MAML3: variants seen among roughly 807,000 people sequenced by gnomAD.
MAML3 encodes the protein mastermind like transcriptional coactivator 3.
MAML3 carries 27 observed loss-of-function variants against 101.9 expected under a neutral mutation model. That is an observed-to-expected ratio of 0.27 (90% confidence interval 0.20 to 0.37). MAML3 has a LOEUF of 0.37. Among genes scored for constraint, MAML3 ranks in the 10% least tolerant of loss-of-function variants. MAML3 has a pLI of 1.00. For synonymous variants in MAML3, 501 were observed against 555.9 expected, an observed-to-expected ratio of 0.90 and a Z score of 1.39; for missense variants, 1,316 against 1,444.9, an observed-to-expected ratio of 0.91 and a Z score of 1.45.
chr4:139,939,300 T>G (rs935434554), intron 1 of MAML3, among the ~76,000 whole-genome samples: 8 of 152,234 alleles, frequency 5.3e-5, no homozygotes, highest in Non-Finnish European at 1.2e-4. Context: ...AGAATTATCA[T>G]TCTAGAGTCC....
At chr4:140,010,352 C>T (rs187255743) in intron 1 of MAML3, among the ~76,000 whole-genome samples, 2 of 152,210 alleles carry the variant, frequency 1.3e-5, no homozygotes, top group Admixed American at 6.5e-5. Flanking sequence ...CACACCTATA[C>T]ACACACACAT....
intron 2 of MAML3, among the ~76,000 whole-genome samples, chr4:139,855,169 T>C (rs534706003): frequency 4.6e-5 from 7 of 152,334 alleles, no homozygotes; most frequent in Middle Eastern, 3.4e-3. Context: ...GGGGTATAGC[T>C]GGAGCAGGTG....
At chr4:139,765,124 C>A (rs1190744978) in intron 2 of MAML3, among the ~76,000 whole-genome samples, 2 of 152,216 alleles carry the variant, frequency 1.3e-5, no homozygotes, top group African/African-American at 4.8e-5. Flanking sequence ...GTTTGGGCTG[C>A]CACTGACTGA....
intron 1 of MAML3, among the ~76,000 whole-genome samples, chr4:140,000,119 A>T (rs1734895574): frequency 6.6e-6 from 1 of 152,210 alleles, no homozygotes; most frequent in Non-Finnish European, 1.5e-5. Flanking sequence ...TTTTTCAGTT[A>T]ATCTCAGGCA....
At chr4:140,054,102 G>T (rs1186865061) in intron 1 of MAML3, among the ~76,000 whole-genome samples, 1 of 152,150 alleles carries the variant, frequency 6.6e-6, no homozygotes, top group Non-Finnish European at 1.5e-5. Flanking sequence ...AGGCGCAGTG[G>T]CTCACGCCTG....
At chr4:140,117,491 T>TA (rs994961608) in intron 1 of MAML3, among the ~76,000 whole-genome samples, 10 of 152,102 alleles carry the variant, frequency 6.6e-5, no homozygotes, top group Non-Finnish European at 1.5e-4. Context: ...TACAAATGCT[T>TA]AATCAGAGAC....
intron 2 of MAML3, among the ~76,000 whole-genome samples, chr4:139,804,905 G>T (rs565397627): frequency 6.6e-6 from 1 of 152,128 alleles, no homozygotes; most frequent in Non-Finnish European, 1.5e-5. Context: ...GATGCTGGGC[G>T]CGATGGCTCA....
intron 2 of MAML3, among the ~76,000 whole-genome samples, chr4:139,797,264 T>A (rs1025532158): frequency 1.6e-4 from 24 of 152,194 alleles, no homozygotes; most frequent in African/African-American, 5.5e-4. Flanking sequence ...AGTCCAGTTA[T>A]GGAGTGATCC....
At chr4:140,100,345 C>T (rs1278708710) in intron 1 of MAML3, among the ~76,000 whole-genome samples, 2 of 152,152 alleles carry the variant, frequency 1.3e-5, no homozygotes, top group East Asian at 3.8e-4. Context: ...GGGTCCACCC[C>T]CCTAGACTCA....
chr4:139,768,156 C>T (rs1184777942), intron 2 of MAML3, among the ~76,000 whole-genome samples: 1 of 150,428 alleles, frequency 6.6e-6, no homozygotes, highest in Non-Finnish European at 1.5e-5. Context: ...TTAGTCCTTT[C>T]ATGGATGCAT....
intron 1 of MAML3, among the ~76,000 whole-genome samples, chr4:140,126,174 TAAAAAA>T (rs542556461): frequency 2.2e-5 from 3 of 134,776 alleles, no homozygotes; most frequent in African/African-American, 8.1e-5. Flanking sequence ...AAGCATTGTT[TAAAAAA>T]AAAAAAAAAA....
chr4:140,107,196 A>G (rs1560895790), intron 1 of MAML3, among the ~76,000 whole-genome samples: 1 of 152,306 alleles, frequency 6.6e-6, no homozygotes, highest in East Asian at 1.9e-4. Context: ...TATAGAAACA[A>G]GAAAATAAAA....
chr4:140,051,352 C>T (rs1407806451), intron 1 of MAML3, among the ~76,000 whole-genome samples: 7 of 151,786 alleles, frequency 4.6e-5, no homozygotes, highest in South Asian at 2.1e-4. Context: ...GTTAGGAGTT[C>T]GAGACCAGCC....
At chr4:139,982,273 G>C (rs2110811272) in intron 1 of MAML3, among the ~76,000 whole-genome samples, 1 of 152,158 alleles carries the variant, frequency 6.6e-6, no homozygotes, top group South Asian at 2.1e-4. Flanking sequence ...TTGACCTTAG[G>C]CACTTGTTCA....
chr4:139,818,318 G>A (rs1461658847), intron 2 of MAML3, among the ~76,000 whole-genome samples: 2 of 152,208 alleles, frequency 1.3e-5, no homozygotes, highest in Non-Finnish European at 2.9e-5. Flanking sequence ...ATGTATCTGT[G>A]TGATTATTTC....
intron 2 of MAML3, among the ~76,000 whole-genome samples, chr4:139,884,710 T>G (rs1732292296): frequency 1.3e-5 from 2 of 152,268 alleles, no homozygotes; most frequent in South Asian, 4.1e-4. Context: ...ATCAAAGGAT[T>G]CATTCTAGAC....
intron 1 of MAML3, among the ~76,000 whole-genome samples, chr4:140,011,132 TATATA>T (rs1726549701): frequency 1.7e-5 from 1 of 58,928 alleles, no homozygotes; most frequent in East Asian, 8.4e-4. Flanking sequence ...TATATATATA[TATATA>T]CACATATGTC....
chr4:140,095,596 T>A (rs1266627980), intron 1 of MAML3, among the ~76,000 whole-genome samples: 1 of 152,082 alleles, frequency 6.6e-6, no homozygotes, highest in East Asian at 1.9e-4. Flanking sequence ...TCCTCCTCAC[T>A]GCCCTTCTTG....
intron 2 of MAML3, among the ~76,000 whole-genome samples, chr4:139,880,920 A>G (rs1449236736): frequency 7.2e-5 from 11 of 152,180 alleles, no homozygotes; most frequent in Admixed American, 7.2e-4. Context: ...AGAACAAAGA[A>G]GATGGGAGAT....
Sources: allele counts gnomAD v4.1 joint callset (sites outside exome capture counted in the v4.1 genomes callset), GRCh38; gene constraint gnomAD v4.1.1; transcripts MANE v1.5; gene names NCBI Gene and HGNC (gene_info 2026-07-23, HGNC 2026-07-21).